Variants in SAMMSON observed in about 807,000 individuals in gnomAD.
SAMMSON encodes long intergenic non-protein coding RNA 1212.
chr3:70,363,522 G>C (rs1702893686), intron 9 of SAMMSON, among the ~76,000 whole-genome samples: 1 of 151,982 alleles, frequency 6.6e-6, no homozygotes, highest in Admixed American at 6.6e-5. Context: ...AGAATCAGTA[G>C]CATTTCTATA....
chr3:70,169,124 T>G (rs757768883), intron 4 of SAMMSON, among the ~76,000 whole-genome samples: 4 of 152,036 alleles, frequency 2.6e-5, no homozygotes, highest in Non-Finnish European at 2.9e-5. Flanking sequence ...TGCACACATG[T>G]GTTTAATGTC....
chr3:70,337,132 T>C (rs974865385), intron 7 of SAMMSON, among the ~76,000 whole-genome samples: 1 of 79,430 alleles, frequency 1.3e-5, no homozygotes, highest in African/African-American at 4.3e-5. Flanking sequence ...TAATAATATC[T>C]AACTTAATAT....
intron 4 of SAMMSON, among the ~76,000 whole-genome samples, chr3:70,199,607 G>A (rs887837943): frequency 2.6e-5 from 4 of 152,112 alleles, no homozygotes; most frequent in African/African-American, 7.2e-5. Flanking sequence ...TTTCCTAAAA[G>A]GCATGTTAAA....
chr3:70,417,203 C>T lies in SAMMSON; in HGVS notation n.234-45357C>T, dbSNP rs190487206. Among the ~76,000 whole-genome samples, 172 of 152,270 alleles carry T rather than the reference C, an allele frequency of 1.1e-3. 2 individuals carry two copies. The highest frequency in any genetic ancestry group is 3.7e-3 in the African/African-American group (152 of 41,550). On this transcript the variant is annotated intron_variant and non_coding_transcript_variant, in intron 2 of 3. Transcript: ENST00000641053. The stretch of plus-strand genomic sequence containing the variant: ...CCCCTCAGAGTATTTTACCCCTTTA[C>T]CAATGTCAATCATCATTAGGTTTGG...
At chr3:70,158,872 C>T (rs2106691759) in intron 4 of SAMMSON, among the ~76,000 whole-genome samples, 1 of 152,068 alleles carries the variant, frequency 6.6e-6, no homozygotes, top group Non-Finnish European at 1.5e-5. Context: ...TTTTTAATAT[C>T]AAAGCTCAAT....
chr3:70,207,438 G>A (rs1701303373), intron 4 of SAMMSON, among the ~76,000 whole-genome samples: 1 of 151,996 alleles, frequency 6.6e-6, no homozygotes, highest in Non-Finnish European at 1.5e-5. Context: ...TGGCACAATA[G>A]CTAGAGATGT....
At chr3:70,229,462 A>C (rs1308537035) in intron 4 of SAMMSON, among the ~76,000 whole-genome samples, 2 of 152,214 alleles carry the variant, frequency 1.3e-5, no homozygotes, top group Admixed American at 6.5e-5. Context: ...TACATAGCAG[A>C]ACTTGCTTCC....
At chr3:70,295,183 G>T (rs1419065449) in intron 7 of SAMMSON, among the ~76,000 whole-genome samples, 13 of 152,200 alleles carry the variant, frequency 8.5e-5, no homozygotes, top group Admixed American at 8.5e-4. Flanking sequence ...TGAGATGTGT[G>T]GATTCCTGAA....
intron 2 of SAMMSON, among the ~76,000 whole-genome samples, chr3:70,405,919 TAAG>T (rs965066690): frequency 3.9e-5 from 6 of 152,260 alleles, no homozygotes; most frequent in South Asian, 2.1e-4. Flanking sequence ...AAATTAATGA[TAAG>T]AAGAAAAAAT....
At chr3:70,119,778 T>G (rs1029988286) in intron 4 of SAMMSON, among the ~76,000 whole-genome samples, 11 of 152,326 alleles carry the variant, frequency 7.2e-5, no homozygotes, top group African/African-American at 2.6e-4. Flanking sequence ...ATTCTCTATA[T>G]ATACATGTGC....
intron 2 of SAMMSON, among the ~76,000 whole-genome samples, chr3:70,433,297 G>A (rs2111584): frequency 0.23 from 34,383 of 152,050 alleles, 3,947 homozygotes; most frequent in Middle Eastern, 0.3. Context: ...AAGAGTTCCT[G>A]TTGCCTCACA....
intron 3 of SAMMSON, among the ~76,000 whole-genome samples, chr3:70,062,728 C>T (rs569735264): frequency 3.7e-4 from 57 of 152,172 alleles, no homozygotes; most frequent in African/African-American, 1.1e-3. Flanking sequence ...TGTCCCAAAA[C>T]GTTCAGGCCT....
At chr3:70,427,405 G>A (rs1175122231) in intron 2 of SAMMSON, among the ~76,000 whole-genome samples, 1 of 152,102 alleles carries the variant, frequency 6.6e-6, no homozygotes, top group African/African-American at 2.4e-5. Flanking sequence ...TAAATGTTCT[G>A]GTAATACCAT....
chr3:70,112,434 G>A (rs565353890), intron 4 of SAMMSON, among the ~76,000 whole-genome samples: 1 of 152,162 alleles, frequency 6.6e-6, no homozygotes, highest in East Asian at 1.9e-4. Context: ...AGAGAAAAAT[G>A]GAAACATTGG....
chr3:70,057,339 A>G (rs1039281920), intron 3 of SAMMSON, among the ~76,000 whole-genome samples: 1 of 152,026 alleles, frequency 6.6e-6, no homozygotes, highest in Non-Finnish European at 1.5e-5. Flanking sequence ...CAAAGGGTAC[A>G]GTATTTTTAA....
chr3:70,077,490 CA>C (rs1427026316), intron 4 of SAMMSON, among the ~76,000 whole-genome samples: 7 of 152,164 alleles, frequency 4.6e-5, no homozygotes, highest in African/African-American at 1.4e-4. Context: ...TCAGAGGTAT[CA>C]GGGGAACATA....
chr3:70,324,785 G>A (rs761168364), intron 7 of SAMMSON, among the ~76,000 whole-genome samples: 12 of 152,078 alleles, frequency 7.9e-5, no homozygotes, highest in Non-Finnish European at 1.2e-4. Flanking sequence ...CAGAAACTGC[G>A]TCCTGACATA....
At chr3:70,219,422 G>A (rs1344777802) in intron 4 of SAMMSON, among the ~76,000 whole-genome samples, 1 of 152,150 alleles carries the variant, frequency 6.6e-6, no homozygotes, top group East Asian at 1.9e-4. Context: ...GATTTTTGAT[G>A]TGACCAAGAG....
chr3:70,231,815 G>T (rs1293857665), intron 4 of SAMMSON, among the ~76,000 whole-genome samples: 3 of 152,102 alleles, frequency 2.0e-5, no homozygotes, highest in African/African-American at 4.8e-5. Context: ...ACTTGGACCA[G>T]GAGTCACAAA....
Sources: allele counts gnomAD v4.1 joint callset (sites outside exome capture counted in the v4.1 genomes callset), GRCh38; gene constraint gnomAD v4.1.1; transcripts MANE v1.5; gene names NCBI Gene and HGNC (gene_info 2026-07-23, HGNC 2026-07-21).